MGAT4C: variants seen among roughly 807,000 people sequenced by gnomAD.
MGAT4C encodes alpha-1,3-mannosyl-glycoprotein 4-beta-N-acetylglucosaminyltransferase C.
A neutral mutation model predicts 40.1 loss-of-function variants in MGAT4C; 19 were observed. The ratio of observed to expected loss-of-function variants is 0.47; its 90% CI spans 0.33 to 0.70. The LOEUF (loss-of-function observed/expected upper bound fraction) is 0.70. Ranked by LOEUF, MGAT4C falls within the 30% of genes least tolerant of loss-of-function variation. MGAT4C has a pLI of 0.02. For missense variants in MGAT4C, 491 were observed against 563.2 expected (o/e 0.87, Z 1.30); for synonymous variants, 181 against 187.1 (o/e 0.97, Z 0.27).
At chr12:86,127,170 G>C (rs1267074996) in intron 1 of MGAT4C, among the ~76,000 whole-genome samples, 1 of 152,088 alleles carries the variant, frequency 6.6e-6, no homozygotes, top group Non-Finnish European at 1.5e-5. Context: ...AGGGACCCCT[G>C]GTATAGCCCA....
chr12:85,980,482 A>C (rs769004377), intron 4 of MGAT4C, 52 bp from the exon 5 acceptor site: 59 of 1,462,592 alleles, frequency 4.0e-5, no homozygotes, highest in Non-Finnish European at 5.2e-5. Flanking sequence ...AATATGGAAA[A>C]AGTAAAAGAG....
At position 86,694,512 on chromosome 12, in the gene MGAT4C, A is replaced by G. The variant is rs148658918; in HGVS notation, c.-229+32697T>C. ...GTAACAATTGCAGAATTAGTACATT[A>G]CTAGTATTTATATAATTTGATGTAT... is the stretch of plus-strand genomic sequence containing the variant. On this transcript the variant is annotated intron_variant, in intron 2 of 7. Coordinates refer to the MGAT4C transcript ENST00000548651. 3.3e-3 allele frequency among the ~76,000 whole-genome samples: 499 copies of G among 152,298 alleles called. 3 individuals carry two copies. Among genetic ancestry groups the G allele is most frequent in the African/African-American group, 0.011 (477 of 41,572 alleles).
chr12:86,555,695 C>T (rs1482534045), intron 2 of MGAT4C, among the ~76,000 whole-genome samples: 1 of 152,182 alleles, frequency 6.6e-6, no homozygotes, highest in Admixed American at 6.5e-5. Flanking sequence ...AATGCTAAAC[C>T]ATCACAGCTG....
At chr12:86,349,129 C>T (rs1453376572) in intron 3 of MGAT4C, among the ~76,000 whole-genome samples, 1 of 152,066 alleles carries the variant, frequency 6.6e-6, no homozygotes, top group South Asian at 2.1e-4. Flanking sequence ...TATGTGGTAA[C>T]CATGTCCTTG....
In MGAT4C at chr12:86,603,642, G is replaced by T. The variant is rs1348978335; in HGVS notation, c.-229+123567C>A. ...TTATATAGTCTATAGACTATATATA[G>T]TATATATTATATAGTCTATATTATA... On this transcript the variant is annotated intron_variant, in intron 2 of 7. Transcript: ENST00000548651. Among the ~76,000 whole-genome samples, 3 of 122,482 alleles carry T rather than the reference G, an allele frequency of 2.4e-5. No homozygotes were observed. The Admixed American group carries it at 2.7e-4, about 11-fold the overall frequency. The allele number at this position is 122,482 out of a possible 152,430, so 80.4% of individuals were successfully genotyped here.
chr12:86,223,705 C>T (rs1221321368), intron 1 of MGAT4C, among the ~76,000 whole-genome samples: 1 of 152,152 alleles, frequency 6.6e-6, no homozygotes, highest in East Asian at 1.9e-4. Context: ...TTTTCACCAT[C>T]CAGGGGCCTA....
At chr12:86,322,991 C>T (rs1954433430) in intron 4 of MGAT4C, among the ~76,000 whole-genome samples, 1 of 151,904 alleles carries the variant, frequency 6.6e-6, no homozygotes, top group South Asian at 2.1e-4. Flanking sequence ...TCATCACAAG[C>T]ATTGCTCATT....
At chr12:86,332,803 ATAAC>A (rs1366114800) in intron 4 of MGAT4C, among the ~76,000 whole-genome samples, 8 of 152,190 alleles carry the variant, frequency 5.3e-5, no homozygotes, top group Non-Finnish European at 1.2e-4. Context: ...AAACATATCT[ATAAC>A]TACTTAATTA....
chr12:86,584,803 T>G (rs1235689197), intron 2 of MGAT4C, among the ~76,000 whole-genome samples: 2 of 151,410 alleles, frequency 1.3e-5, no homozygotes, highest in Non-Finnish European at 3.0e-5. Context: ...AACTTGATTG[T>G]TTAAATAGAT....
intron 2 of MGAT4C, among the ~76,000 whole-genome samples, chr12:86,681,853 A>G (rs1949988668): frequency 6.6e-6 from 1 of 152,070 alleles, no homozygotes; most frequent in African/African-American, 2.4e-5. Context: ...CTGAGCTTTC[A>G]GAGAGATTTC....
At chr12:86,437,164 C>T (rs887165077) in intron 2 of MGAT4C, among the ~76,000 whole-genome samples, 1 of 151,582 alleles carries the variant, frequency 6.6e-6, no homozygotes, top group African/African-American at 2.4e-5. Context: ...TTATTAAAAA[C>T]AGTATTGCTG....
intron 2 of MGAT4C, among the ~76,000 whole-genome samples, chr12:86,515,673 T>C (rs187839942): frequency 2.0e-5 from 3 of 152,018 alleles, no homozygotes; most frequent in African/African-American, 7.2e-5. Flanking sequence ...CAGCATTTTA[T>C]TTCATGGATC....
intron 2 of MGAT4C, among the ~76,000 whole-genome samples, chr12:86,623,165 C>A (rs1218618824): frequency 6.6e-6 from 1 of 152,002 alleles, no homozygotes; most frequent in Non-Finnish European, 1.5e-5. Context: ...CAGAAAAATA[C>A]ATATACTTGA....
At chr12:86,081,177 T>C (rs1194954367) in intron 1 of MGAT4C, among the ~76,000 whole-genome samples, 1 of 151,892 alleles carries the variant, frequency 6.6e-6, no homozygotes, top group Non-Finnish European at 1.5e-5. Flanking sequence ...TAGTGAAATA[T>C]AAAAAAAAGA....
At position 86,079,175 on chromosome 12, in the gene MGAT4C, C is replaced by T. The variant is rs115042636; in HGVS notation, c.-56-29452G>A. 7.8e-3 allele frequency among the ~76,000 whole-genome samples: 1,193 copies of T among 152,124 alleles called. 8 individuals carry two copies. Among genetic ancestry groups the T allele is most frequent in the African/African-American group, 0.028 (1,149 of 41,488 alleles). On this transcript the variant is annotated intron_variant, in intron 1 of 4. Transcript: ENST00000611864. ...GGAATGCCCTGGTTGAAAGGAGTAG[C>T]ATTTGTATGTTGGGTATGTAGTCAA...
At chr12:86,018,241 G>A (rs562582476) in intron 2 of MGAT4C, among the ~76,000 whole-genome samples, 49 of 152,176 alleles carry the variant, frequency 3.2e-4, no homozygotes, top group Middle Eastern at 3.4e-3. Context: ...AAGTGGCAAC[G>A]TTAATCTACC....
At chr12:86,489,949 G>A (rs1267436728) in intron 2 of MGAT4C, among the ~76,000 whole-genome samples, 1 of 151,360 alleles carries the variant, frequency 6.6e-6, no homozygotes, top group East Asian at 1.9e-4. Flanking sequence ...ACGTCTAATT[G>A]GTGTACCTGA....
chr12:86,376,916 T>G (rs1955838729), intron 3 of MGAT4C, among the ~76,000 whole-genome samples: 2 of 151,332 alleles, frequency 1.3e-5, no homozygotes, highest in Non-Finnish European at 1.5e-5. Flanking sequence ...AAAGGAGAGA[T>G]ACATCTTTAA....
chr12:86,253,143 C>T (rs1952369719), intron 1 of MGAT4C, among the ~76,000 whole-genome samples: 1 of 151,858 alleles, frequency 6.6e-6, no homozygotes, highest in South Asian at 2.1e-4. Context: ...ATTAGCCACA[C>T]CTTAAAATAC....
Sources: gnomAD v4.1 joint callset for allele counts (sites outside exome capture counted in the v4.1 genomes callset) on GRCh38, gnomAD v4.1.1 for gene constraint, MANE v1.5 for transcripts, NCBI Gene and HGNC (gene_info 2026-07-23, HGNC 2026-07-21) for gene names.